Variants in NAALADL2 observed in about 807,000 individuals in gnomAD.
The protein encoded by NAALADL2 is N-acetylated alpha-linked acidic dipeptidase like 2.
In NAALADL2, 76 loss-of-function variants were observed where a neutral mutation model predicts 87.2. The observed-to-expected ratio is 0.87, with a 90% CI of 0.72 to 1.05. The LOEUF (loss-of-function observed/expected upper bound fraction) is 1.05, where lower values mean the gene tolerates loss of function less well. NAALADL2 is among the 50% of genes least tolerant of loss of function. The pLI is 0.00. For missense variants in NAALADL2, 1,089 were observed against 945.8 expected (o/e 1.15, Z -1.99); for synonymous variants, 354 against 331.0 (o/e 1.07, Z -0.75).
intron 2 of NAALADL2, among the ~76,000 whole-genome samples, chr3:174,621,340 GA>G (rs1023570302): frequency 2.0e-5 from 3 of 152,034 alleles, no homozygotes; most frequent in African/African-American, 7.2e-5. Context: ...ACGAATCAAT[GA>G]AAAATAGCAG....
chr3:175,788,088 G>GT (rs1004422588), intron 13 of NAALADL2, among the ~76,000 whole-genome samples: 7,999 of 104,246 alleles, frequency 0.077, 340 homozygotes, highest in African/African-American at 0.092. Context: ...TTTTTTACCT[G>GT]TTTTTTTTTT....
intron 10 of NAALADL2, among the ~76,000 whole-genome samples, chr3:175,615,029 T>C (rs1725144722): frequency 6.6e-6 from 1 of 152,284 alleles, no homozygotes; most frequent in Middle Eastern, 3.4e-3. Context: ...CTCAATTTAT[T>C]TCATGAGAGA....
chr3:175,675,284 G>GT (rs975389809), intron 11 of NAALADL2: 1 of 152,184 alleles, frequency 6.6e-6, no homozygotes, highest in Non-Finnish European at 1.5e-5. Context: ...TACCCATTAT[G>GT]TAATTTGCTA....
At chr3:175,389,450 TA>T (rs1768817016) in intron 5 of NAALADL2, among the ~76,000 whole-genome samples, 1 of 152,180 alleles carries the variant, frequency 6.6e-6, no homozygotes, top group African/African-American at 2.4e-5. Flanking sequence ...CTTATCAATA[TA>T]AGCACAGTTC....
At chr3:174,722,573 G>C (rs1029967529) in intron 2 of NAALADL2, among the ~76,000 whole-genome samples, 2 of 152,072 alleles carry the variant, frequency 1.3e-5, no homozygotes, top group African/African-American at 4.8e-5. Context: ...GCTGTGGCAG[G>C]TGCCTGTAAT....
At chr3:175,519,380 TCTGAGGCTGCCA>T (rs1248185956) in intron 9 of NAALADL2, among the ~76,000 whole-genome samples, 2 of 152,154 alleles carry the variant, frequency 1.3e-5, no homozygotes, top group African/African-American at 4.8e-5. Context: ...AACTTTTGCT[TCTGAGGCTGCCA>T]CTGAGGCCTT....
At chr3:174,808,105 AT>A (rs1342991757) in intron 3 of NAALADL2, among the ~76,000 whole-genome samples, 4 of 152,118 alleles carry the variant, frequency 2.6e-5, no homozygotes, top group Non-Finnish European at 5.9e-5. Flanking sequence ...CAAATGAATA[AT>A]TTGGTATTTC....
At chr3:175,288,475 A>G (rs1032567516) in intron 4 of NAALADL2, among the ~76,000 whole-genome samples, 1 of 152,166 alleles carries the variant, frequency 6.6e-6, no homozygotes, top group Non-Finnish European at 1.5e-5. Flanking sequence ...TAACACCTCA[A>G]ATTAAGCATT....
At chr3:174,735,253 CAT>C (rs1425323767) in intron 2 of NAALADL2, among the ~76,000 whole-genome samples, 1 of 152,156 alleles carries the variant, frequency 6.6e-6, no homozygotes. Context: ...CTTAAAATAA[CAT>C]ATAATTATAT....
At chr3:175,702,918 A>C (rs951387149) in intron 11 of NAALADL2, among the ~76,000 whole-genome samples, 1 of 151,096 alleles carries the variant, frequency 6.6e-6, no homozygotes, top group Non-Finnish European at 1.5e-5. Context: ...GAGGAAAAGA[A>C]AAAAAAAAGG....
chr3:175,233,141 CATT>C (rs1745236433), intron 2 of NAALADL2, among the ~76,000 whole-genome samples: 1 of 152,176 alleles, frequency 6.6e-6, no homozygotes, highest in African/African-American at 2.4e-5. Flanking sequence ...TATTGGAAAA[CATT>C]GTGCTCATAG....
At chr3:174,502,352 G>T (rs1718952038) in intron 1 of NAALADL2, among the ~76,000 whole-genome samples, 1 of 152,096 alleles carries the variant, frequency 6.6e-6, no homozygotes, top group South Asian at 2.1e-4. Flanking sequence ...TTACATTCGT[G>T]TGATACTTTT....
chr3:175,110,279 A>C (rs1468429460), intron 2 of NAALADL2, among the ~76,000 whole-genome samples: 3 of 151,830 alleles, frequency 2.0e-5, no homozygotes, highest in African/African-American at 7.3e-5. Flanking sequence ...AATTAGTTGA[A>C]CTTTGCTAAT....
At chr3:175,202,614 G>A (rs1740212554) in intron 2 of NAALADL2, among the ~76,000 whole-genome samples, 1 of 152,152 alleles carries the variant, frequency 6.6e-6, no homozygotes, top group African/African-American at 2.4e-5. Context: ...TGGAGGTGGT[G>A]CTTTCCAGAG....
chr3:174,779,557 T>A (rs1715675490), intron 3 of NAALADL2, among the ~76,000 whole-genome samples: 1 of 152,208 alleles, frequency 6.6e-6, no homozygotes, highest in South Asian at 2.1e-4. Context: ...CCTATGCCTA[T>A]GTCCTGAATG....
intron 10 of NAALADL2, among the ~76,000 whole-genome samples, chr3:175,596,922 G>C (rs1722318358): frequency 1.3e-5 from 2 of 151,860 alleles, no homozygotes; most frequent in Non-Finnish European, 2.9e-5. Context: ...GCCAGACCAA[G>C]ATACTATAAT....
chr3:175,389,386 T>C (rs1768806538), intron 5 of NAALADL2, among the ~76,000 whole-genome samples: 2 of 152,320 alleles, frequency 1.3e-5, no homozygotes, highest in East Asian at 3.9e-4. Context: ...ATTCTATTTG[T>C]TTATTTATTT....
chr3:175,102,935 C>T (rs959093625), intron 2 of NAALADL2, among the ~76,000 whole-genome samples: 2 of 151,604 alleles, frequency 1.3e-5, no homozygotes, highest in Non-Finnish European at 2.9e-5. Context: ...TGGTGAAACC[C>T]GGTCTCTATT....
At chr3:175,595,938 T>A (rs1417268870) in intron 10 of NAALADL2, among the ~76,000 whole-genome samples, 1 of 151,984 alleles carries the variant, frequency 6.6e-6, no homozygotes, top group African/African-American at 2.4e-5. Context: ...ATCTGAGAAA[T>A]CCTAAGTTAT....
Sources: gnomAD v4.1 joint callset for allele counts (sites outside exome capture counted in the v4.1 genomes callset) on GRCh38, gnomAD v4.1.1 for gene constraint, MANE v1.5 for transcripts, NCBI Gene and HGNC (gene_info 2026-07-23, HGNC 2026-07-21) for gene names.